KCTD7: variants seen among roughly 807,000 people sequenced by gnomAD.
The protein encoded by KCTD7 is BTB/POZ domain-containing protein KCTD7.
KCTD7 carries 15 observed loss-of-function variants against 27.0 expected under a neutral mutation model. The observed-to-expected ratio is 0.56, with a 90% CI of 0.37 to 0.86. The LOEUF (loss-of-function observed/expected upper bound fraction) is 0.86. Among genes scored for constraint, KCTD7 ranks in the 40% least tolerant of loss-of-function variants. KCTD7 has a pLI of 0.00. For synonymous variants in KCTD7, 159 were observed against 162.7 expected (o/e 0.98, Z 0.17); for missense variants, 299 against 398.9 (o/e 0.75, Z 2.13).
At chr7:66,634,173 C>T (rs189433217) in intron 2 of KCTD7, among the ~76,000 whole-genome samples, 44 of 137,378 alleles carry the variant, frequency 3.2e-4, no homozygotes, top group Non-Finnish European at 5.2e-4. Flanking sequence ...GAGGCTTCCA[C>T]TGGTCTTGAT....
At chr7:66,632,989 C>T (rs1033710337) in intron 1 of KCTD7, among the ~76,000 whole-genome samples, 10 of 151,534 alleles carry the variant, frequency 6.6e-5, no homozygotes, top group Admixed American at 2.0e-4. Flanking sequence ...ACCCGGGAGG[C>T]GGAGCTTGCA....
intron 1 of KCTD7, among the ~76,000 whole-genome samples, chr7:66,631,610 G>T (rs777479631): frequency 4.0e-5 from 6 of 150,270 alleles, no homozygotes; most frequent in African/African-American, 7.3e-5. Context: ...AATTTGAATT[G>T]ATCTGGAGGA....
chr7:66,638,652 T>C (rs1177434604), intron 3 of KCTD7: 31 of 782,256 alleles, frequency 4.0e-5, no homozygotes, highest in Non-Finnish European at 5.9e-5. Context: ...AGGACAGCCC[T>C]CGTCCCATTG....
chr7:66,640,508 T>C lies in KCTD7; in HGVS notation c.*1276T>C. 1 of 1,523,652 alleles carries C rather than the reference T, an allele frequency of 6.6e-7. No homozygotes were observed. The highest frequency in any genetic ancestry group is 2.1e-5 in the Admixed American group (1 of 48,532). The allele number at this position is 1,523,652 out of a possible 1,614,324, so 94.4% of individuals were successfully genotyped here. ...TGCATCTCCTAAAGGAAGAACTGTG[T>C]AGCACCATTGATCACAATGTAACAT... On this transcript the variant is annotated 3_prime_UTR_variant, in exon 4 of 4. Coordinates refer to ENST00000639828, the MANE Select transcript of KCTD7 (RefSeq NM_153033.5).
chr7:66,637,314 G>A (rs1786610509), intron 2 of KCTD7, among the ~76,000 whole-genome samples: 2 of 152,130 alleles, frequency 1.3e-5, no homozygotes, highest in African/African-American at 4.8e-5. Flanking sequence ...TTAAACTCCT[G>A]AGCTCAGATG....
rs1415028698 is a variant in KCTD7, at chr7:66,641,139, C to T, written c.*1907C>T. 7 of 985,248 alleles carry T rather than the reference C, an allele frequency of 7.1e-6. No individual in the cohort carries two copies. Among genetic ancestry groups the T allele is most frequent in the African/African-American group, 1.7e-5 (1 of 57,226 alleles). 61.0% of individuals were successfully genotyped at this position (985,248 alleles called of 1,614,324 possible). ...ATAGTCATTCACGTTCTGAGATATG[C>T]GCTCTCTCTATTGTTCTCGTACACA... is the stretch of plus-strand genomic sequence containing the variant. On this transcript the variant is annotated 3_prime_UTR_variant, in exon 4 of 4. Coordinates refer to ENST00000639828, the MANE Select transcript of KCTD7 (RefSeq NM_153033.5).
chr7:66,631,083 G>C (rs1185573832), intron 1 of KCTD7, among the ~76,000 whole-genome samples: 1 of 152,196 alleles, frequency 6.6e-6, no homozygotes, highest in Admixed American at 6.5e-5. Context: ...GAGTAACAGT[G>C]CATACACACA....
intron 2 of KCTD7, among the ~76,000 whole-genome samples, chr7:66,634,160 A>C (rs1314077545): frequency 2.1e-5 from 3 of 142,000 alleles, no homozygotes; most frequent in Non-Finnish European, 4.5e-5. Flanking sequence ...GCTCTGATGC[A>C]CTGAGGCTTC....
At chr7:66,633,520 A>G (rs1265681735) in intron 2 of KCTD7, 76 bp downstream of exon 2, 54 of 1,335,134 alleles carry the variant, frequency 4.0e-5, no homozygotes, top group Non-Finnish European at 5.6e-5. Context: ...GGACCTTGAT[A>G]TCTTCCATAG....
In KCTD7 at chr7:66,640,197, C is replaced by T; in HGVS notation, c.*965C>T. 3 of 1,441,858 alleles carry T rather than the reference C, an allele frequency of 2.1e-6. No individual in the cohort carries two copies. The highest frequency in any genetic ancestry group is 2.7e-6 in the Non-Finnish European group (3 of 1,105,708). The allele number at this position is 1,441,858 out of a possible 1,614,324, so 89.3% of individuals were successfully genotyped here. On this transcript the variant is annotated 3_prime_UTR_variant, in exon 4 of 4. Coordinates refer to ENST00000639828, the MANE Select transcript of KCTD7 (RefSeq NM_153033.5). ...TGTTCCTCTGTCCTGGTAACATTCTCCTTCTAGGAGAGCCTCTCTTCTGAG... is the reference window on the plus strand; with the variant it reads ...TGTTCCTCTGTCCTGGTAACATTCTTCTTCTAGGAGAGCCTCTCTTCTGAG...
chr7:66,641,897 G>T lies in KCTD7; in HGVS notation c.*2665G>T. On this transcript the variant is annotated 3_prime_UTR_variant, in exon 4 of 4. Coordinates refer to ENST00000639828, the MANE Select transcript of KCTD7 (RefSeq NM_153033.5). ...AATGGCCAGGCCCAGAACAGAAGAA[G>T]GGTTGGGTCTGGAAGGAAGGCTCCA... 1.0e-6 allele frequency: 1 copy of T among 985,374 alleles called. No homozygotes were observed. Among genetic ancestry groups the T allele is most frequent in the Admixed American group, 6.1e-5 (1 of 16,278 alleles). The allele number at this position is 985,374 out of a possible 1,614,324, so 61.0% of individuals were successfully genotyped here. A position where few individuals can be genotyped will look rare whatever the true frequency, so the allele number is the denominator to read the frequency against.
chr7:66,631,127 C>T (rs192812325), intron 1 of KCTD7, among the ~76,000 whole-genome samples: 12 of 152,292 alleles, frequency 7.9e-5, no homozygotes, highest in African/African-American at 2.6e-4. Context: ...TTCTTTCATT[C>T]ATTCGGTGAA....
rs1786374578 is a variant in KCTD7 at position 66,628,933 on chromosome 7, C to T, written c.-132C>T. 2.2e-6 allele frequency: 2 copies of T among 899,154 alleles called. No individual in the cohort carries two copies. The highest frequency in any genetic ancestry group is 3.5e-5 in the African/African-American group (2 of 56,434). 55.7% of individuals were successfully genotyped at this position (899,154 alleles called of 1,614,324 possible). On this transcript the variant is annotated 5_prime_UTR_variant, in exon 1 of 4. Coordinates refer to ENST00000639828, the MANE Select transcript of KCTD7 (RefSeq NM_153033.5). ...GGGAGCCACCGCCCTCCCGCCTGCG[C>T]ACTGCCTCTCGCCCCCCTCCGGCCA...
rs140600524 is a variant in KCTD7 at position 66,638,978 on chromosome 7, C to T, written c.616C>T (p.Leu206Phe). The T allele has an allele frequency of 1.9e-6, 3 of 1,614,220 alleles. No individual in the cohort carries two copies. The highest frequency in any genetic ancestry group is 4.5e-5 in the East Asian group (2 of 44,884). ...EMPITPYECP[L>F]LNSLRFERSE... Reference sequence around the variant, plus strand: ...GCCCATCACCCCCTATGAGTGTCCGCTCCTCAACTCCCTGCGATTTGAGCG... The same window carrying T: ...GCCCATCACCCCCTATGAGTGTCCGTTCCTCAACTCCCTGCGATTTGAGCG... Residue 206 changes from leucine (L) to phenylalanine (F), a missense_variant, in exon 4 of 4, where the codon CTC becomes TTC. Leu to Phe is a conservative substitution (Grantham distance 22). Coordinates refer to ENST00000639828, the MANE Select transcript of KCTD7 (RefSeq NM_153033.5).
In KCTD7 at chr7:66,639,909, C is replaced by G. The variant is rs975096344; in HGVS notation, c.*677C>G. The G allele has an allele frequency of 5.6e-6, 7 of 1,247,620 alleles. No homozygotes were observed. Among genetic ancestry groups the G allele is most frequent in the Non-Finnish European group, 7.0e-6 (7 of 997,600 alleles). The allele number at this position is 1,247,620 out of a possible 1,614,324, so 77.3% of individuals were successfully genotyped here. ...TTAGAAAACCACAATGTTTACAGCC[C>G]TGTCTTAGGGCCGCGGCTTCTCTTA... On this transcript the variant is annotated 3_prime_UTR_variant, in exon 4 of 4. Coordinates refer to ENST00000639828, the MANE Select transcript of KCTD7 (RefSeq NM_153033.5).
At position 66,638,402 on chromosome 7, in the gene KCTD7, C is replaced by G; in HGVS notation, c.464C>G (p.Ala155Gly). 1 of 1,614,194 alleles carries G rather than the reference C, an allele frequency of 6.2e-7. No homozygotes were observed. Among genetic ancestry groups the G allele is most frequent in the Non-Finnish European group, 8.5e-7 (1 of 1,180,034 alleles). ...CTGAAGGGCGAGAAGGTGCGCCAAG[C>G]GTTTCTGGGACTCATGCCCTATTAC... ...QPLKGEKVRQ[A>G]FLGLMPYYKD... Residue 155 changes from alanine (A) to glycine (G), a missense_variant, in exon 3 of 4, where the codon GCG becomes GGG. By Grantham distance (60) the Ala-to-Gly change is moderately conservative. Coordinates refer to ENST00000639828, the MANE Select transcript of KCTD7 (RefSeq NM_153033.5).
At chr7:66,633,008 A>T (rs1786489212) in intron 1 of KCTD7, among the ~76,000 whole-genome samples, 1 of 151,992 alleles carries the variant, frequency 6.6e-6, no homozygotes, top group Admixed American at 6.6e-5. Flanking sequence ...CAGTGAGCCA[A>T]CATCACGCCA....
Position 66,639,628 on chromosome 7 carries a change from T to A in KCTD7, c.*396T>A. On this transcript the variant is annotated 3_prime_UTR_variant, in exon 4 of 4. Transcript: ENST00000639828. ...AGGCCTAATCACTTCCTCAACCCTG[T>A]TCAAGCGTCCCTCCCTTGTGCTCAG... The A allele has an allele frequency of 7.5e-7, 1 of 1,337,888 alleles. No individual in the cohort carries two copies. The highest frequency in any genetic ancestry group is 9.6e-7 in the Non-Finnish European group (1 of 1,040,912). The allele number at this position is 1,337,888 out of a possible 1,614,324, so 82.9% of individuals were successfully genotyped here.
chr7:66,633,436 A>C lies in KCTD7; in HGVS notation c.306A>C (p.Thr102=), dbSNP rs1786502519. ...GGTACTTCATCGACCGAGATGGCAC[A>C]CACTTTGGGTATGTCTCTCCCTCTA... ...EGRYFIDRDG[T]HFGDVLNFLR... The change falls in exon 2 of 4, where the codon ACA becomes ACC. Residue 102 remains threonine, a synonymous_variant. Transcript: ENST00000639828. 6.2e-7 allele frequency: 1 copy of C among 1,614,122 alleles called. No individual in the cohort carries two copies. The highest frequency in any genetic ancestry group is 2.2e-5 in the East Asian group (1 of 44,882).
Sources: gnomAD v4.1 joint callset for allele counts (sites outside exome capture counted in the v4.1 genomes callset) on GRCh38, gnomAD v4.1.1 for gene constraint, MANE v1.5 for transcripts, NCBI Gene and HGNC (gene_info 2026-07-23, HGNC 2026-07-21) for gene names.